Variants in LMNTD1 observed in about 807,000 individuals in gnomAD.
LMNTD1 encodes lamin tail domain containing 1.
LMNTD1 carries 35 observed loss-of-function variants against 50.9 expected under a neutral mutation model. The observed-to-expected ratio is 0.69, with a 90% CI of 0.53 to 0.91. The LOEUF (loss-of-function observed/expected upper bound fraction) is 0.91. LMNTD1 is among the 40% of genes least tolerant of loss of function. The pLI, the probability that LMNTD1 is intolerant of heterozygous loss-of-function variation, is 0.00. For missense variants in LMNTD1, 470 were observed against 475.5 expected, an observed-to-expected ratio of 0.99 and a Z score of 0.11; for synonymous variants, 153 against 161.9, an observed-to-expected ratio of 0.94 and a Z score of 0.42.
chr12:25,633,723 C>T (rs1946766132), intron 1 of LMNTD1, among the ~76,000 whole-genome samples: 1 of 152,160 alleles, frequency 6.6e-6, no homozygotes, highest in East Asian at 1.9e-4. Flanking sequence ...ATCAAAAAGA[C>T]TGAAAGAGCA....
chr12:25,552,762 G>A, intron 2 of LMNTD1, 109 bp downstream of exon 2: 1 of 680,896 alleles, frequency 1.5e-6, no homozygotes, highest in Non-Finnish European at 2.6e-6. Flanking sequence ...ATATATTCTA[G>A]TTCTAACTGG....
intron 8 of LMNTD1, among the ~76,000 whole-genome samples, chr12:25,512,964 C>A (rs1349337382): frequency 6.6e-6 from 1 of 152,012 alleles, no homozygotes; most frequent in East Asian, 1.9e-4. Context: ...GTTGTGAACA[C>A]CGAGGGGCAG....
intron 1 of LMNTD1, among the ~76,000 whole-genome samples, chr12:25,581,225 T>C (rs561559747): frequency 1.3e-3 from 197 of 152,314 alleles, no homozygotes; most frequent in African/African-American, 4.7e-3. Flanking sequence ...ATACTAGGGA[T>C]AAGCTAAAGG....
intron 9 of LMNTD1, among the ~76,000 whole-genome samples, chr12:25,479,198 T>C (rs902768969): frequency 6.6e-6 from 1 of 152,198 alleles, no homozygotes; most frequent in African/African-American, 2.4e-5. Context: ...TCCAGTTTAA[T>C]GGAATCGCTG....
At chr12:25,516,123 C>CCAAT (rs1940746212) in intron 8 of LMNTD1, among the ~76,000 whole-genome samples, 1 of 152,080 alleles carries the variant, frequency 6.6e-6, no homozygotes, top group African/African-American at 2.4e-5. Flanking sequence ...CAATCAGCAA[C>CCAAT]CAATCATTCA....
chr12:25,622,981 C>T (rs537331399), intron 1 of LMNTD1, among the ~76,000 whole-genome samples: 2 of 147,924 alleles, frequency 1.4e-5, no homozygotes, highest in Non-Finnish European at 1.5e-5. Flanking sequence ...AGCTGGCGGA[C>T]GACGGGGAAG....
chr12:25,505,417 T>C (rs1939683202), intron 8 of LMNTD1, among the ~76,000 whole-genome samples: 1 of 152,300 alleles, frequency 6.6e-6, no homozygotes, highest in South Asian at 2.1e-4. Context: ...ATTCTGTTAC[T>C]AAGACTAATA....
At chr12:25,555,590 T>A (rs1207360219), upstream of LMNTD1, among the ~76,000 whole-genome samples, 2 of 152,192 alleles carry the variant, frequency 1.3e-5, no homozygotes, top group Non-Finnish European at 2.9e-5. Flanking sequence ...GGTGTCATGA[T>A]TATGTTTTTT....
chr12:25,625,976 T>C lies in LMNTD1; in HGVS notation c.58+22518A>G, dbSNP rs377429964. Among the ~76,000 whole-genome samples, 7 of 152,368 alleles carry C rather than the reference T, an allele frequency of 4.6e-5. No individual in the cohort carries two copies. In the East Asian group the frequency reaches 1.3e-3, roughly 29 times the overall value. On this transcript the variant is annotated intron_variant, in intron 1 of 7. Coordinates refer to the LMNTD1 transcript ENST00000445693. ...AAATCGGTTATTTCTTTTGTGGTTT[T>C]CTATAAATTCCTCCTCCTTTACTGA...
At chr12:25,611,021 G>C (rs911049520) in intron 1 of LMNTD1, among the ~76,000 whole-genome samples, 5 of 152,120 alleles carry the variant, frequency 3.3e-5, no homozygotes, top group Non-Finnish European at 5.9e-5. Context: ...CCTATTTCTA[G>C]GCGCACAGAG....
chr12:25,512,000 T>C (rs554879369), intron 8 of LMNTD1, among the ~76,000 whole-genome samples: 1 of 152,332 alleles, frequency 6.6e-6, no homozygotes, highest in South Asian at 2.1e-4. Flanking sequence ...TTTCCATTGC[T>C]CTCGTCTTTT....
At chr12:25,606,241 G>T (rs926180124) in intron 1 of LMNTD1, among the ~76,000 whole-genome samples, 6 of 152,092 alleles carry the variant, frequency 3.9e-5, no homozygotes, top group Admixed American at 2.6e-4. Context: ...GGGCTGAGAC[G>T]ATGGGGTTTT....
At chr12:25,587,377 C>A (rs1462058974) in intron 1 of LMNTD1, among the ~76,000 whole-genome samples, 1 of 152,214 alleles carries the variant, frequency 6.6e-6, no homozygotes, top group Non-Finnish European at 1.5e-5. Flanking sequence ...TGCTCTGCTT[C>A]CAGGGAGGCC....
In LMNTD1 at chr12:25,552,575, C is replaced by CT. The variant is rs1013120676; in HGVS notation, c.89+295dup. Among the ~76,000 whole-genome samples the CT allele has an allele frequency of 3.9e-4, 7 of 18,172 alleles. No homozygotes were observed. The East Asian group carries it at 0.013, about 32-fold the overall frequency. 11.9% of individuals were successfully genotyped at this position (18,172 alleles called of 152,430 possible). A position where few individuals can be genotyped will look rare whatever the true frequency, so the allele number is the denominator to read the frequency against. On this transcript the variant is annotated intron_variant, in intron 2 of 9. Coordinates refer to ENST00000458174, the MANE Select transcript of LMNTD1 (RefSeq NM_001145728.2). The stretch of plus-strand genomic sequence containing the variant: ...TGAGCCAAGATCGCGCCACTGCACT[C>CT]TGTCTGAAAAAAAAAAAAAAAAAAA...
chr12:25,587,680 G>A (rs1291032126), intron 1 of LMNTD1, among the ~76,000 whole-genome samples: 1 of 152,204 alleles, frequency 6.6e-6, no homozygotes, highest in Non-Finnish European at 1.5e-5. Context: ...AAAGAGATTT[G>A]GAGAGGGCAT....
chr12:25,525,958 T>C, intron 6 of LMNTD1, 141 bp downstream of exon 6: 1 of 478,224 alleles, frequency 2.1e-6, no homozygotes, highest in Non-Finnish European at 3.3e-6. Context: ...AATAAAATAA[T>C]CTTTTAGGCA....
intron 1 of LMNTD1, among the ~76,000 whole-genome samples, chr12:25,644,849 C>CAG (rs1221318353): frequency 6.6e-6 from 1 of 152,094 alleles, no homozygotes; most frequent in African/African-American, 2.4e-5. Flanking sequence ...ACAGGGAAGG[C>CAG]AGAGACAATA....
chr12:25,589,027 G>T (rs1945621244), intron 1 of LMNTD1, among the ~76,000 whole-genome samples: 1 of 152,114 alleles, frequency 6.6e-6, no homozygotes, highest in Middle Eastern at 3.2e-3. Flanking sequence ...TTCTTACATT[G>T]CTAGAAACCG....
At chr12:25,514,791 A>G (rs940088147) in intron 8 of LMNTD1, among the ~76,000 whole-genome samples, 5 of 152,078 alleles carry the variant, frequency 3.3e-5, no homozygotes, top group African/African-American at 1.2e-4. Context: ...AAGATTTTTT[A>G]TTTTTTTACA....
Sources: gnomAD v4.1 joint callset for allele counts (sites outside exome capture counted in the v4.1 genomes callset) on GRCh38, gnomAD v4.1.1 for gene constraint, MANE v1.5 for transcripts, NCBI Gene and HGNC (gene_info 2026-07-23, HGNC 2026-07-21) for gene names.